Variants in ELMO1 observed in about 807,000 individuals in gnomAD.
ELMO1 encodes engulfment and cell motility 1, also known as engulfment and cell motility protein 1.
ELMO1 carries 26 observed loss-of-function variants against 98.9 expected under a neutral mutation model. The ratio of observed to expected loss-of-function variants is 0.26; its 90% confidence interval spans 0.19 to 0.36. ELMO1 has a LOEUF of 0.36. Ranked by LOEUF, ELMO1 falls within the 10% of genes least tolerant of loss-of-function variation. The probability of loss-of-function intolerance (pLI) is 1.00; values close to 1 mark genes in which losing one functional copy is unlikely to be tolerated. For missense variants in ELMO1, 627 were observed against 935.2 expected (o/e 0.67, Z 4.30); for synonymous variants, 346 against 346.0 (o/e 1.00, Z 0.00).
chr7:37,058,952 G>A (rs971701534), intron 15 of ELMO1, among the ~76,000 whole-genome samples: 18 of 152,156 alleles, frequency 1.2e-4, no homozygotes, highest in Non-Finnish European at 2.1e-4. Context: ...GGGGATGCTG[G>A]GGAAGGGTCT....
chr7:37,359,173 G>C (rs1036892154), intron 1 of ELMO1, among the ~76,000 whole-genome samples: 1 of 152,198 alleles, frequency 6.6e-6, no homozygotes, highest in African/African-American at 2.4e-5. Flanking sequence ...AGCCGTCAGT[G>C]CCAAATACAG....
At chr7:37,355,301 A>G (rs895867565) in intron 1 of ELMO1, among the ~76,000 whole-genome samples, 1 of 152,226 alleles carries the variant, frequency 6.6e-6, no homozygotes, top group African/African-American at 2.4e-5. Context: ...AAGATAAAAT[A>G]TCTATAAAGC....
chr7:37,030,675 GTTC>G (rs1470337713), intron 15 of ELMO1, among the ~76,000 whole-genome samples: 2 of 152,106 alleles, frequency 1.3e-5, no homozygotes, highest in African/African-American at 4.8e-5. Context: ...CTGGATAATT[GTTC>G]TTCTTCCCAA....
At chr7:37,307,434 T>A (rs1224031843) in intron 4 of ELMO1, among the ~76,000 whole-genome samples, 1 of 152,190 alleles carries the variant, frequency 6.6e-6, no homozygotes, top group Non-Finnish European at 1.5e-5. Context: ...TCCACCGTGA[T>A]TGTCAGTTTC....
At chr7:37,042,356 T>C (rs1795568235) in intron 15 of ELMO1, among the ~76,000 whole-genome samples, 1 of 152,128 alleles carries the variant, frequency 6.6e-6, no homozygotes, top group African/African-American at 2.4e-5. Context: ...ATGGGGCACA[T>C]TGTAGTGATG....
At chr7:36,984,172 G>C (rs1361623269) in intron 16 of ELMO1, among the ~76,000 whole-genome samples, 1 of 152,136 alleles carries the variant, frequency 6.6e-6, no homozygotes, top group Non-Finnish European at 1.5e-5. Context: ...CCTCAAAATC[G>C]AGCATCGAGG....
intron 10 of ELMO1, among the ~76,000 whole-genome samples, chr7:37,217,032 T>C (rs1793322570): frequency 6.6e-6 from 1 of 152,224 alleles, no homozygotes; most frequent in South Asian, 2.1e-4. Flanking sequence ...TCATCTTTTA[T>C]TAGACTACGT....
At chr7:37,296,931 C>G (rs1483300234) in intron 4 of ELMO1, among the ~76,000 whole-genome samples, 1 of 152,186 alleles carries the variant, frequency 6.6e-6, no homozygotes, top group Non-Finnish European at 1.5e-5. Flanking sequence ...TACGCCTGAA[C>G]TATCCCTGAC....
At chr7:36,954,280 G>T (rs566737956) in intron 16 of ELMO1, among the ~76,000 whole-genome samples, 2 of 152,284 alleles carry the variant, frequency 1.3e-5, no homozygotes, top group South Asian at 4.1e-4. Flanking sequence ...ATTAATGGGG[G>T]TCACAGAACC....
chr7:37,133,821 G>A (rs925774066), intron 13 of ELMO1, among the ~76,000 whole-genome samples: 1 of 152,134 alleles, frequency 6.6e-6, no homozygotes. Flanking sequence ...CAGGAAGTCT[G>A]AGAACCTTCC....
At chr7:37,207,192 GTGAGAGTC>G (rs1428724798) in intron 13 of ELMO1, among the ~76,000 whole-genome samples, 1 of 152,206 alleles carries the variant, frequency 6.6e-6, no homozygotes, top group Non-Finnish European at 1.5e-5. Context: ...CATCCTAGAG[GTGAGAGTC>G]TGCCTTCCAT....
chr7:37,126,057 A>G (rs183067172), intron 14 of ELMO1, among the ~76,000 whole-genome samples: 144 of 152,160 alleles, frequency 9.5e-4, no homozygotes, highest in African/African-American at 3.3e-3. Context: ...ACAAAAAACC[A>G]AACATCGCAT....
chr7:36,869,187 T>C (rs968773166), intron 20 of ELMO1, among the ~76,000 whole-genome samples: 7 of 152,242 alleles, frequency 4.6e-5, no homozygotes, highest in African/African-American at 1.7e-4. Flanking sequence ...GGGCATGCCC[T>C]GCCATCAGTA....
chr7:37,192,815 T>A (rs867913772), intron 13 of ELMO1, among the ~76,000 whole-genome samples: 43 of 120,708 alleles, frequency 3.6e-4, no homozygotes, highest in South Asian at 3.5e-3. Context: ...AAAAAAAAAA[T>A]GTGTGTGTGT....
intron 15 of ELMO1, among the ~76,000 whole-genome samples, chr7:37,048,753 AC>A (rs1327034906): frequency 5.3e-5 from 8 of 152,218 alleles, no homozygotes; most frequent in Admixed American, 2.0e-4. Context: ...CTTATGTATT[AC>A]CTTAGCTCAA....
At chr7:37,374,929 G>A (rs1802270954) in intron 1 of ELMO1, among the ~76,000 whole-genome samples, 1 of 150,422 alleles carries the variant, frequency 6.6e-6, no homozygotes, top group South Asian at 2.1e-4. Context: ...GCGTGGTGAT[G>A]CATGCCTGTA....
At chr7:37,418,925 A>C (rs995793170) in intron 1 of ELMO1, among the ~76,000 whole-genome samples, 2 of 152,098 alleles carry the variant, frequency 1.3e-5, no homozygotes, top group African/African-American at 4.8e-5. Context: ...TCGCAACAAG[A>C]CTAAGCAGCT....
intron 16 of ELMO1, among the ~76,000 whole-genome samples, chr7:36,968,985 T>C (rs567684599): frequency 5.3e-5 from 8 of 152,258 alleles, no homozygotes; most frequent in Middle Eastern, 3.4e-3. Context: ...AGTAGTAGTT[T>C]AGATTTCCTC....
At chr7:37,435,578 T>C (rs2131576167) in intron 1 of ELMO1, among the ~76,000 whole-genome samples, 1 of 152,376 alleles carries the variant, frequency 6.6e-6, no homozygotes, top group East Asian at 1.9e-4. Context: ...AAAACAAATC[T>C]GAGAATTTTC....
Sources: gnomAD v4.1 joint callset for allele counts (sites outside exome capture counted in the v4.1 genomes callset) on GRCh38, gnomAD v4.1.1 for gene constraint, MANE v1.5 for transcripts, NCBI Gene and HGNC (gene_info 2026-07-23, HGNC 2026-07-21) for gene names.